UMAD1: variants seen among roughly 807,000 people sequenced by gnomAD.
The protein encoded by UMAD1 is UBAP1-MVB12-associated (UMA)-domain containing protein 1.
Under a neutral mutation model 6.1 loss-of-function variants are expected in UMAD1, and 8 were observed. The ratio of observed to expected loss-of-function variants is 1.30; its 90% CI spans 0.76 to 2.35. The LOEUF (loss-of-function observed/expected upper bound fraction) is 2.35. UMAD1 is among the 30% of genes most tolerant of loss of function. The probability of loss-of-function intolerance (pLI) is 0.00; values close to 1 mark genes in which losing one functional copy is unlikely to be tolerated. For missense variants in UMAD1, 130 were observed against 78.4 expected, an observed-to-expected ratio of 1.66 and a Z score of -2.49; for synonymous variants, 56 against 31.4, an observed-to-expected ratio of 1.78 and a Z score of -2.61.
chr7:7,740,628 C>T (rs1051559986), intron 2 of UMAD1: 1 of 152,164 alleles, frequency 6.6e-6, no homozygotes, highest in Non-Finnish European at 1.5e-5. Context: ...CTCTTTTAAT[C>T]TGCCTTTTGC....
intron 3 of UMAD1, among the ~76,000 whole-genome samples, chr7:7,816,208 A>G (rs1171295344): frequency 6.6e-6 from 1 of 152,196 alleles, no homozygotes; most frequent in African/African-American, 2.4e-5. Context: ...CAGTAACATT[A>G]ATGGAACCGG....
intron 2 of UMAD1, among the ~76,000 whole-genome samples, chr7:7,714,807 G>C (rs184446589): frequency 1.1e-4 from 16 of 151,136 alleles, no homozygotes; most frequent in African/African-American, 3.9e-4. Context: ...CACTTGTGTA[G>C]AGTAATTTTT....
chr7:7,804,617 G>C (rs1274238107), intron 3 of UMAD1, among the ~76,000 whole-genome samples: 1 of 152,116 alleles, frequency 6.6e-6, no homozygotes, highest in Non-Finnish European at 1.5e-5. Context: ...AGGTTGCAGT[G>C]AGCCAAGATT....
intron 3 of UMAD1, among the ~76,000 whole-genome samples, chr7:7,851,815 C>T (rs7779614): frequency 0.021 from 3,145 of 152,058 alleles, 121 homozygotes; most frequent in African/African-American, 0.071. Flanking sequence ...TAAATATTTC[C>T]TCTCATTCTG....
chr7:7,802,968 T>C (rs1016272450), intron 3 of UMAD1, among the ~76,000 whole-genome samples: 4 of 152,200 alleles, frequency 2.6e-5, no homozygotes, highest in African/African-American at 7.2e-5. Flanking sequence ...AGATGTGATA[T>C]AGGAAGTAAA....
intron 2 of UMAD1, among the ~76,000 whole-genome samples, chr7:7,688,441 C>T (rs1780090083): frequency 6.6e-6 from 1 of 152,146 alleles, no homozygotes; most frequent in Admixed American, 6.6e-5. Flanking sequence ...TTTGCCTTTT[C>T]ACTGATTATC....
At chr7:7,872,826 CA>C (rs1170453054) in intron 3 of UMAD1, among the ~76,000 whole-genome samples, 3 of 152,160 alleles carry the variant, frequency 2.0e-5, no homozygotes, top group Admixed American at 6.5e-5. Flanking sequence ...ATTCTATACA[CA>C]ACCAAAAAAG....
At position 7,653,099 on chromosome 7, in the gene UMAD1, T is replaced by C. The variant is rs532089141; in HGVS notation, c.-64+12278T>C. ...TGTGTTTTATGATATTTGTTTTATG[T>C]GGAGAGATGCTTTTTGTTAGAGTTG... On this transcript the variant is annotated intron_variant, in intron 1 of 3. Transcript: ENST00000682710. Among the ~76,000 whole-genome samples the C allele has an allele frequency of 1.6e-4, 25 of 152,360 alleles. 1 individual carries two copies. The East Asian group carries it at 3.5e-3, about 21-fold the overall frequency.
At chr7:7,664,685 C>T (rs989286121) in intron 1 of UMAD1, among the ~76,000 whole-genome samples, 2 of 152,206 alleles carry the variant, frequency 1.3e-5, no homozygotes, top group Admixed American at 6.5e-5. Context: ...GCTACCTAGT[C>T]TGCGCAGCCT....
intron 3 of UMAD1, among the ~76,000 whole-genome samples, chr7:7,806,213 C>T (rs1782909867): frequency 6.6e-6 from 1 of 151,646 alleles, no homozygotes; most frequent in African/African-American, 2.4e-5. Flanking sequence ...AGTTTCTTCC[C>T]CAAATCTCTT....
intron 2 of UMAD1, among the ~76,000 whole-genome samples, chr7:7,759,609 A>G (rs1781844525): frequency 6.6e-6 from 1 of 152,266 alleles, no homozygotes; most frequent in South Asian, 2.1e-4. Flanking sequence ...TGAAGAAAAA[A>G]GTACCAGGGA....
At chr7:7,809,784 T>G (rs1262536570) in intron 3 of UMAD1, among the ~76,000 whole-genome samples, 1 of 152,060 alleles carries the variant, frequency 6.6e-6, no homozygotes, top group Non-Finnish European at 1.5e-5. Flanking sequence ...TTCACTCTTC[T>G]TCTGATGTGT....
intron 3 of UMAD1, among the ~76,000 whole-genome samples, chr7:7,804,225 A>T (rs1042210875): frequency 6.6e-6 from 1 of 152,234 alleles, no homozygotes; most frequent in Non-Finnish European, 1.5e-5. Flanking sequence ...GGAGTGGGAG[A>T]CTATAAATGA....
intron 3 of UMAD1, among the ~76,000 whole-genome samples, chr7:7,842,617 T>TTA (rs756509939): frequency 4.8e-5 from 7 of 145,796 alleles, no homozygotes; most frequent in Non-Finnish European, 4.5e-5. Context: ...TACCTTTTTT[T>TTA]AAAAAAAAAA....
chr7:7,736,102 A>G (rs76623868), intron 2 of UMAD1: 12,487 of 152,330 alleles, frequency 0.082, 580 homozygotes, highest in African/African-American at 0.13. Context: ...GTCCTCCCCA[A>G]TGTCTTCAAC....
At position 7,806,364 on chromosome 7, in the gene UMAD1, G is replaced by A. The variant is rs886591711; in HGVS notation, c.156+4621G>A. 2.0e-4 allele frequency among the ~76,000 whole-genome samples: 30 copies of A among 151,906 alleles called. No homozygotes were observed. The South Asian group carries it at 2.9e-3, about 15-fold the overall frequency. On this transcript the variant is annotated intron_variant, in intron 3 of 3. Transcript: ENST00000682710. ...ACCCTTTTCTCTGCTCCCCCAGCCA[G>A]AGACAACCCCAATGTCCTCTTAATG... is the stretch of plus-strand genomic sequence containing the variant.
chr7:7,722,153 C>CTATA (rs1327674264), intron 2 of UMAD1, among the ~76,000 whole-genome samples: 1 of 144,478 alleles, frequency 6.9e-6, no homozygotes, highest in African/African-American at 2.6e-5. Context: ...CTCTCTCTCT[C>CTATA]TCTCTATATA....
intron 3 of UMAD1, among the ~76,000 whole-genome samples, chr7:7,821,807 G>A (rs1168434240): frequency 1.3e-5 from 2 of 152,118 alleles, no homozygotes; most frequent in Admixed American, 1.3e-4. Flanking sequence ...TGGCTTTTAT[G>A]TGGTTGTTAG....
At chr7:7,687,981 T>C (rs1185606952) in intron 2 of UMAD1, among the ~76,000 whole-genome samples, 1 of 152,210 alleles carries the variant, frequency 6.6e-6, no homozygotes. Context: ...AAATAGCTTG[T>C]TGATGGATGG....
Sources: gnomAD v4.1 joint callset for allele counts (sites outside exome capture counted in the v4.1 genomes callset) on GRCh38, gnomAD v4.1.1 for gene constraint, MANE v1.5 for transcripts, NCBI Gene and HGNC (gene_info 2026-07-23, HGNC 2026-07-21) for gene names.